The following TMEM108 variants were observed in gnomAD, a reference collection of about 807,000 sequenced individuals.
The protein encoded by TMEM108 is transmembrane protein 108.
Under a neutral mutation model 35.1 loss-of-function variants are expected in TMEM108, and 12 were observed. That is an observed-to-expected ratio of 0.34 (90% CI 0.22 to 0.55). TMEM108 has a LOEUF of 0.55. Ranked by LOEUF, TMEM108 falls within the 20% of genes least tolerant of loss-of-function variation. The pLI is 0.89. For missense variants in TMEM108, 680 were observed against 753.3 expected (o/e 0.90, Z 1.14); for synonymous variants, 287 against 308.6 (o/e 0.93, Z 0.73).
At chr3:133,277,392 G>C (rs144674201) in intron 3 of TMEM108, among the ~76,000 whole-genome samples, 1 of 152,152 alleles carries the variant, frequency 6.6e-6, no homozygotes, top group East Asian at 1.9e-4. Context: ...TCTGTAAAGA[G>C]TACAAAAGTT....
chr3:133,267,813 C>T (rs535515683), intron 3 of TMEM108, among the ~76,000 whole-genome samples: 4 of 152,238 alleles, frequency 2.6e-5, no homozygotes, highest in Non-Finnish European at 5.9e-5. Context: ...TAGACCTACT[C>T]ACATGTCCTT....
At chr3:133,182,127 G>T (rs1945355000) in intron 2 of TMEM108, among the ~76,000 whole-genome samples, 1 of 152,158 alleles carries the variant, frequency 6.6e-6, no homozygotes, top group Non-Finnish European at 1.5e-5. Context: ...TGTCAGATGT[G>T]TCAAGATTAA....
chr3:133,266,791 G>A (rs528756909), intron 3 of TMEM108, among the ~76,000 whole-genome samples: 6 of 152,132 alleles, frequency 3.9e-5, no homozygotes, highest in African/African-American at 1.4e-4. Flanking sequence ...TGCCCAAGGT[G>A]GCCGGGCGTG....
At chr3:133,304,188 T>C (rs1355537171) in intron 3 of TMEM108, among the ~76,000 whole-genome samples, 2 of 152,200 alleles carry the variant, frequency 1.3e-5, no homozygotes, top group African/African-American at 4.8e-5. Context: ...TCTTTTCTTT[T>C]CCCTCATGTG....
chr3:133,219,567 A>G (rs534605774), intron 2 of TMEM108, among the ~76,000 whole-genome samples: 1 of 152,182 alleles, frequency 6.6e-6, no homozygotes, highest in Non-Finnish European at 1.5e-5. Context: ...GTCTCAAGAT[A>G]ATTTTTATTC....
At chr3:133,228,734 T>C (rs1946110205) in intron 2 of TMEM108, among the ~76,000 whole-genome samples, 3 of 152,220 alleles carry the variant, frequency 2.0e-5, no homozygotes, top group African/African-American at 7.2e-5. Context: ...GGATAATATA[T>C]ATTTTCTTGT....
chr3:133,390,301 G>T lies in TMEM108; in HGVS notation c.1572G>T (p.Leu524=), dbSNP rs748550474. Residue 524 remains leucine (L), a synonymous_variant, in exon 5 of 6, where the codon CTG becomes CTT. Transcript: ENST00000321871. The part of the protein sequence containing the change: ...MDYFNRHAVE[L]PREIQSLETS... ...ACTTCAACAGGCATGCTGTGGAGCT[G>T]CCCAGGGAGATCCAGTCCCTTGAAA... The T allele has an allele frequency of 2.5e-6, 4 of 1,614,050 alleles. No homozygotes were observed. The highest frequency in any genetic ancestry group is 3.3e-5 in the Admixed American group (2 of 60,006).
At chr3:133,252,831 A>G (rs78001590) in intron 3 of TMEM108, among the ~76,000 whole-genome samples, 4 of 152,300 alleles carry the variant, frequency 2.6e-5, no homozygotes, top group Non-Finnish European at 4.4e-5. Context: ...ATAAAACACC[A>G]TATGTATTTT....
chr3:133,136,288 G>A (rs1384221031), intron 2 of TMEM108, among the ~76,000 whole-genome samples: 2 of 152,212 alleles, frequency 1.3e-5, no homozygotes, highest in African/African-American at 2.4e-5. Context: ...GCTGACAAAT[G>A]TAACCCAGAT....
At chr3:133,354,253 G>C (rs1405821456) in intron 3 of TMEM108, among the ~76,000 whole-genome samples, 1 of 152,162 alleles carries the variant, frequency 6.6e-6, no homozygotes, top group Non-Finnish European at 1.5e-5. Flanking sequence ...TCTGTGGTGA[G>C]AGCACGATAT....
At position 133,337,034 on chromosome 3, in the gene TMEM108, A is replaced by G. The variant is rs552952388; in HGVS notation, c.41-42718A>G. ...TTGAGTGCCAGCTCAGCCACAGTAC[A>G]GTAGAACACCAGGTAGGTAGACTTC... On this transcript the variant is annotated intron_variant, in intron 3 of 5. Transcript: ENST00000321871. 4.3e-4 allele frequency among the ~76,000 whole-genome samples: 65 copies of G among 152,180 alleles called. 2 individuals carry two copies. Among genetic ancestry groups the G allele is most frequent in the Non-Finnish European group, 4.4e-5 (3 of 68,024 alleles).
At chr3:133,111,575 A>T (rs964114827) in intron 2 of TMEM108, among the ~76,000 whole-genome samples, 2 of 152,090 alleles carry the variant, frequency 1.3e-5, no homozygotes, top group African/African-American at 2.4e-5. Flanking sequence ...ATATATATTA[A>T]TATATATGCA....
At chr3:133,385,869 G>A (rs1324701952) in intron 4 of TMEM108, among the ~76,000 whole-genome samples, 3 of 152,158 alleles carry the variant, frequency 2.0e-5, no homozygotes, top group South Asian at 2.1e-4. Flanking sequence ...TAGTTCCTTC[G>A]AGATGCAGGC....
intron 2 of TMEM108, among the ~76,000 whole-genome samples, chr3:133,197,806 G>C (rs2107822542): frequency 6.6e-6 from 1 of 152,280 alleles, no homozygotes; most frequent in Non-Finnish European, 1.5e-5. Flanking sequence ...GCAAATTTCA[G>C]AAACTCAGAC....
At chr3:133,290,357 AC>A in intron 3 of TMEM108, among the ~76,000 whole-genome samples, 1 of 152,338 alleles carries the variant, frequency 6.6e-6, no homozygotes, top group South Asian at 2.1e-4. Flanking sequence ...GCAGTGACTT[AC>A]GCCTGTAATC....
intron 2 of TMEM108, among the ~76,000 whole-genome samples, chr3:133,152,868 A>T (rs1032553188): frequency 6.6e-6 from 1 of 152,150 alleles, no homozygotes; most frequent in Non-Finnish European, 1.5e-5. Context: ...TTAATTAAAA[A>T]ACAACTGACA....
intron 3 of TMEM108, among the ~76,000 whole-genome samples, chr3:133,302,634 A>T (rs1439970795): frequency 1.3e-5 from 2 of 151,706 alleles, no homozygotes; most frequent in Non-Finnish European, 2.9e-5. Context: ...GTGAGCCAGG[A>T]TGGTCTCGAT....
At chr3:133,246,931 C>A (rs1946394849) in intron 3 of TMEM108, 1 of 152,194 alleles carries the variant, frequency 6.6e-6, no homozygotes, top group African/African-American at 2.4e-5. Flanking sequence ...TCTGAAACAT[C>A]AGATGTCACA....
chr3:133,226,249 A>G (rs1353733411), intron 2 of TMEM108, among the ~76,000 whole-genome samples: 2 of 152,206 alleles, frequency 1.3e-5, no homozygotes, highest in East Asian at 1.9e-4. Flanking sequence ...TAGATTGCAA[A>G]TGTTTCCTGT....
Sources: allele counts gnomAD v4.1 joint callset (sites outside exome capture counted in the v4.1 genomes callset), GRCh38; gene constraint gnomAD v4.1.1; transcripts MANE v1.5; gene names NCBI Gene and HGNC (gene_info 2026-07-23, HGNC 2026-07-21).